The following NELL1 variants were observed in gnomAD, a reference collection of about 807,000 sequenced individuals.
NELL1 encodes neural EGFL like 1.
In NELL1, 76 loss-of-function variants were observed where a neutral mutation model predicts 107.4. The observed-to-expected ratio is 0.71, with a 90% CI of 0.59 to 0.86. The LOEUF is 0.86. Among genes scored for constraint, NELL1 ranks in the 40% least tolerant of loss-of-function variants. The pLI, the probability that NELL1 is intolerant of heterozygous loss-of-function variation, is 0.00. For synonymous variants in NELL1, 353 were observed against 341.2 expected (o/e 1.03, Z -0.38); for missense variants, 1,024 against 1,005.5 (o/e 1.02, Z -0.25).
chr11:20,733,936 CT>C (rs145445938), intron 2 of NELL1, among the ~76,000 whole-genome samples: 5,409 of 152,182 alleles, frequency 0.036, 309 homozygotes, highest in African/African-American at 0.12. Flanking sequence ...TAATAAGACT[CT>C]GTTAGTGACA....
chr11:21,072,539 A>G (rs1258813156), intron 12 of NELL1, among the ~76,000 whole-genome samples: 1 of 152,180 alleles, frequency 6.6e-6, no homozygotes, highest in African/African-American at 2.4e-5. Flanking sequence ...GGCATTTTCT[A>G]TGAGGAATAT....
intron 3 of NELL1, among the ~76,000 whole-genome samples, chr11:20,788,715 T>C (rs1438951492): frequency 2.0e-5 from 3 of 152,170 alleles, no homozygotes; most frequent in Admixed American, 2.0e-4. Flanking sequence ...TTTTTATTTT[T>C]TATTTTTTGT....
chr11:20,959,315 A>G (rs1411577271), intron 11 of NELL1, among the ~76,000 whole-genome samples: 3 of 152,210 alleles, frequency 2.0e-5, no homozygotes, highest in Admixed American at 6.6e-5. Flanking sequence ...CAGCATTCCC[A>G]CTACTGGGTA....
chr11:21,562,801 A>G (rs1183611093), intron 17 of NELL1, among the ~76,000 whole-genome samples: 1 of 131,422 alleles, frequency 7.6e-6, no homozygotes, highest in Non-Finnish European at 1.7e-5. Flanking sequence ...CAAACCAACA[A>G]AAGGTCAAGA....
At chr11:20,913,983 C>T (rs1011140868) in intron 5 of NELL1, among the ~76,000 whole-genome samples, 2 of 152,006 alleles carry the variant, frequency 1.3e-5, no homozygotes, top group Admixed American at 6.6e-5. Flanking sequence ...TCTATTAAGG[C>T]AATCAAGATA....
intron 2 of NELL1, among the ~76,000 whole-genome samples, chr11:20,721,181 G>GTGTATATATATATATATATATATATA (rs1554906545): frequency 1.6e-5 from 2 of 125,850 alleles, no homozygotes; most frequent in African/African-American, 7.2e-5. Context: ...TATATTTTGT[G>GTGTATATATATATATATATATATATA]TATATATATA....
rs374241555 is a variant in NELL1 at position 21,575,026 on chromosome 11, A to C, written c.*4A>C. ...TGAGTGTCTTCAAAATAATTGAAGT[A>C]TTTACAGTGGACTCAACGCAGAAGA... On this transcript the variant is annotated 3_prime_UTR_variant, in exon 20 of 20. Transcript: ENST00000357134. 1 of 1,606,204 alleles carries C rather than the reference A, an allele frequency of 6.2e-7. No homozygotes were observed. Among genetic ancestry groups the C allele is most frequent in the Non-Finnish European group, 8.5e-7 (1 of 1,173,812 alleles).
At chr11:20,980,147 A>G (rs1199061569) in intron 12 of NELL1, among the ~76,000 whole-genome samples, 4 of 152,174 alleles carry the variant, frequency 2.6e-5, no homozygotes, top group Admixed American at 1.3e-4. Context: ...GTCTGAATTT[A>G]TCGAGCATCT....
chr11:20,706,318 C>G (rs1370879460), intron 2 of NELL1, among the ~76,000 whole-genome samples: 1 of 152,038 alleles, frequency 6.6e-6, no homozygotes, highest in African/African-American at 2.4e-5. Context: ...CATATATACA[C>G]CATGGAATAC....
chr11:20,772,717 C>T (rs1399384707), intron 2 of NELL1, among the ~76,000 whole-genome samples: 2 of 152,140 alleles, frequency 1.3e-5, no homozygotes, highest in Non-Finnish European at 2.9e-5. Flanking sequence ...TACCTAAGGT[C>T]TTACAGCAGG....
At chr11:21,432,572 A>C (rs966915289) in intron 15 of NELL1, among the ~76,000 whole-genome samples, 13 of 152,264 alleles carry the variant, frequency 8.5e-5, no homozygotes, top group Admixed American at 7.8e-4. Context: ...TTTTGATAAT[A>C]GTAGGTACTT....
intron 12 of NELL1, among the ~76,000 whole-genome samples, chr11:21,010,981 C>G (rs1852434690): frequency 1.3e-5 from 2 of 152,104 alleles, no homozygotes; most frequent in Admixed American, 1.3e-4. Context: ...CTGCACTTCT[C>G]CTTCCTTGAA....
At chr11:21,521,133 C>G (rs1855715836) in intron 15 of NELL1, among the ~76,000 whole-genome samples, 1 of 152,204 alleles carries the variant, frequency 6.6e-6, no homozygotes. Flanking sequence ...GTAAGTATTA[C>G]AGCTACACAT....
chr11:20,794,037 T>A (rs1383170399), intron 3 of NELL1, among the ~76,000 whole-genome samples: 1 of 152,206 alleles, frequency 6.6e-6, no homozygotes, highest in Non-Finnish European at 1.5e-5. Context: ...TCCATGACAG[T>A]CTGAGAGAAG....
chr11:20,988,439 C>T (rs200213129), intron 12 of NELL1, among the ~76,000 whole-genome samples: 1 of 104,252 alleles, frequency 9.6e-6, no homozygotes, highest in Non-Finnish European at 2.0e-5. Context: ...GTATATATAT[C>T]TATATATACA....
At chr11:21,308,848 A>G (rs1241904124) in intron 14 of NELL1, among the ~76,000 whole-genome samples, 3 of 151,976 alleles carry the variant, frequency 2.0e-5, no homozygotes, top group African/African-American at 7.2e-5. Context: ...CAGTATGTCA[A>G]ACATGTTCCT....
chr11:21,106,030 A>T (rs1157728912), intron 12 of NELL1, among the ~76,000 whole-genome samples: 1 of 143,094 alleles, frequency 7.0e-6, no homozygotes, highest in East Asian at 2.1e-4. Flanking sequence ...GCTCCTTGTG[A>T]TAACATGCCT....
At chr11:21,168,539 C>A (rs1856533921) in intron 13 of NELL1, among the ~76,000 whole-genome samples, 2 of 151,776 alleles carry the variant, frequency 1.3e-5, no homozygotes, top group African/African-American at 2.4e-5. Flanking sequence ...TACTTCCTCA[C>A]CATCCTAGTG....
At chr11:21,482,637 G>A (rs1462376719) in intron 15 of NELL1, among the ~76,000 whole-genome samples, 1 of 151,888 alleles carries the variant, frequency 6.6e-6, no homozygotes, top group African/African-American at 2.4e-5. Flanking sequence ...GTGGGAACTG[G>A]GTGACTTCTG....
Sources: gnomAD v4.1 joint callset for allele counts (sites outside exome capture counted in the v4.1 genomes callset) on GRCh38, gnomAD v4.1.1 for gene constraint, MANE v1.5 for transcripts, NCBI Gene and HGNC (gene_info 2026-07-23, HGNC 2026-07-21) for gene names.